TBCK: variants seen among roughly 807,000 people sequenced by gnomAD.
The protein encoded by TBCK is TBC1 domain containing kinase, also known as TBC domain-containing protein kinase-like protein.
A neutral mutation model predicts 113.4 loss-of-function variants in TBCK; 99 were observed. The observed-to-expected ratio is 0.87, with a 90% confidence interval of 0.74 to 1.03. The LOEUF is 1.03. Ranked by LOEUF, TBCK falls within the 50% of genes least tolerant of loss-of-function variation. The pLI, the probability that TBCK is intolerant of heterozygous loss-of-function variation, is 0.00. For missense variants in TBCK, 1,045 were observed against 1,061.3 expected (o/e 0.98, Z 0.21); for synonymous variants, 369 against 370.8 (o/e 1.00, Z 0.05).
At chr4:106,093,117 T>G (rs1393664878) in intron 25 of TBCK, among the ~76,000 whole-genome samples, 1 of 152,232 alleles carries the variant, frequency 6.6e-6, no homozygotes, top group East Asian at 1.9e-4. Flanking sequence ...AAAAGATAGG[T>G]GAGTGATTTA....
intron 25 of TBCK, among the ~76,000 whole-genome samples, chr4:106,082,367 A>G (rs970328917): frequency 9.9e-5 from 15 of 152,220 alleles, no homozygotes; most frequent in African/African-American, 3.6e-4. Flanking sequence ...GTTGTCACTT[A>G]TAAGTGGGAG....
Position 106,171,176 on chromosome 4 carries a change from C to T in TBCK, c.2154G>A (p.Lys718=). ...TGCCTCCACTGCTGTCAGAAGATGGCTTTGGAGGTTGAGCATGCTGTCTGT... is the reference window on the plus strand; with the variant it reads ...TGCCTCCACTGCTGTCAGAAGATGGTTTTGGAGGTTGAGCATGCTGTCTGT... ...ATYRQHAQPP[K]PSSDSSGGRS... is the part of the protein sequence containing the mutation. The change falls in exon 23 of 26, where the codon AAG becomes AAA. Residue 718 remains lysine (K), a synonymous_variant. Transcript: ENST00000394708. 6.2e-7 allele frequency: 1 copy of T among 1,612,630 alleles called. No homozygotes were observed.
At chr4:106,119,883 C>T (rs988509662) in intron 23 of TBCK, among the ~76,000 whole-genome samples, 2 of 151,734 alleles carry the variant, frequency 1.3e-5, no homozygotes, top group African/African-American at 4.8e-5. Flanking sequence ...TACAAATGGC[C>T]AAAAGGTACA....
intron 23 of TBCK, among the ~76,000 whole-genome samples, chr4:106,132,467 T>A (rs1251836837): frequency 6.6e-6 from 1 of 152,224 alleles, no homozygotes; most frequent in Non-Finnish European, 1.5e-5. Context: ...GGTTTAGAAA[T>A]ATCTGCCTAG....
chr4:106,067,988 A>C (rs951267102), intron 25 of TBCK, among the ~76,000 whole-genome samples: 1 of 151,998 alleles, frequency 6.6e-6, no homozygotes, highest in Non-Finnish European at 1.5e-5. Context: ...ATTTAATATG[A>C]ATTTTAGTAT....
At chr4:106,066,716 T>C (rs1444616374) in intron 25 of TBCK, among the ~76,000 whole-genome samples, 1 of 151,986 alleles carries the variant, frequency 6.6e-6, no homozygotes, top group Non-Finnish European at 1.5e-5. Flanking sequence ...ACCACTAATC[T>C]ACTTCCTGTC....
intron 3 of TBCK, among the ~76,000 whole-genome samples, chr4:106,271,009 G>C (rs1038892450): frequency 6.6e-6 from 1 of 152,102 alleles, no homozygotes. Context: ...TTCATAAATA[G>C]GAAGGCAGAC....
intron 23 of TBCK, among the ~76,000 whole-genome samples, chr4:106,167,099 T>C (rs1750459875): frequency 6.8e-6 from 1 of 147,962 alleles, no homozygotes; most frequent in African/African-American, 2.5e-5. Flanking sequence ...GGTGTGTGTG[T>C]GTGTATTATA....
At chr4:106,151,289 C>A (rs2149681856) in intron 23 of TBCK, among the ~76,000 whole-genome samples, 1 of 152,034 alleles carries the variant, frequency 6.6e-6, no homozygotes, top group South Asian at 2.1e-4. Context: ...AATACTAGGT[C>A]TTATTCATTC....
At chr4:106,074,555 A>C (rs1400141203) in intron 25 of TBCK, among the ~76,000 whole-genome samples, 3 of 152,206 alleles carry the variant, frequency 2.0e-5, no homozygotes, top group Non-Finnish European at 4.4e-5. Flanking sequence ...GTGCAAATTA[A>C]CACAGCTGGT....
intron 3 of TBCK, among the ~76,000 whole-genome samples, chr4:106,275,456 C>T (rs1450094993): frequency 6.6e-6 from 1 of 151,482 alleles, no homozygotes; most frequent in Non-Finnish European, 1.5e-5. Flanking sequence ...GAAATATAAG[C>T]CATAAAGGTT....
chr4:106,229,203 T>C (rs1289754025), intron 19 of TBCK, among the ~76,000 whole-genome samples: 1 of 152,110 alleles, frequency 6.6e-6, no homozygotes, highest in Non-Finnish European at 1.5e-5. Context: ...AGTTGTCTCC[T>C]AACTTTGTTG....
chr4:106,119,455 T>A (rs1743977447), intron 23 of TBCK, among the ~76,000 whole-genome samples: 1 of 151,870 alleles, frequency 6.6e-6, no homozygotes, highest in Non-Finnish European at 1.5e-5. Flanking sequence ...AAACTGAATA[T>A]CTATATGCAG....
Position 106,116,381 on chromosome 4 carries a change from G to GA in TBCK, c.2236-4dup, listed in dbSNP as rs750862111. 2.4e-3 allele frequency: 3,376 copies of GA among 1,392,470 alleles called. No individual in the cohort carries two copies. The highest frequency in any genetic ancestry group is 4.0e-3 in the South Asian group (275 of 68,088). The allele number at this position is 1,392,470 out of a possible 1,614,324, so 86.3% of individuals were successfully genotyped here. On this transcript the variant is annotated splice_polypyrimidine_tract_variant and splice_region_variant and intron_variant, in intron 23 of 25. Coordinates refer to ENST00000394708, the MANE Select transcript of TBCK (RefSeq NM_001163435.3). The stretch of plus-strand genomic sequence containing the variant: ...TTTAATGGGATGGATTCTCTTGACT[G>GA]AAAAAAAAAATGTACAAAAAAAAAT...
intron 3 of TBCK, among the ~76,000 whole-genome samples, chr4:106,290,906 C>T (rs1419265970): frequency 2.0e-5 from 3 of 152,170 alleles, no homozygotes; most frequent in South Asian, 2.1e-4. Context: ...AAGAATCTAA[C>T]GCCTGATCAT....
At chr4:106,108,820 T>C (rs1742493989) in intron 24 of TBCK, among the ~76,000 whole-genome samples, 1 of 152,104 alleles carries the variant, frequency 6.6e-6, no homozygotes, top group South Asian at 2.1e-4. Context: ...AGTCAAACTA[T>C]CTCTGTAGAT....
At chr4:106,239,365 C>G (rs1759828130) in intron 12 of TBCK, among the ~76,000 whole-genome samples, 1 of 152,050 alleles carries the variant, frequency 6.6e-6, no homozygotes, top group Admixed American at 6.6e-5. Flanking sequence ...CTCCCCTATA[C>G]TTTACTATGA....
chr4:106,195,482 A>ATGTATGTG (rs1754110773), intron 20 of TBCK, among the ~76,000 whole-genome samples: 1 of 2,060 alleles, frequency 4.9e-4, no homozygotes, highest in South Asian at 6.3e-3. Context: ...ATCTGGTTAA[A>ATGTATGTG]TGTGTGTGTT....
At chr4:106,255,569 G>T (rs574183463) in intron 5 of TBCK, among the ~76,000 whole-genome samples, 2 of 152,282 alleles carry the variant, frequency 1.3e-5, no homozygotes, top group South Asian at 2.1e-4. Context: ...GGTTGTGCCC[G>T]GAAACTTGGA....
Sources: allele counts gnomAD v4.1 joint callset (sites outside exome capture counted in the v4.1 genomes callset), GRCh38; gene constraint gnomAD v4.1.1; transcripts MANE v1.5; gene names NCBI Gene and HGNC (gene_info 2026-07-23, HGNC 2026-07-21).